RBFOX1: variants seen among roughly 807,000 people sequenced by gnomAD.
RBFOX1 encodes the protein RNA binding protein fox-1 homolog 1.
In RBFOX1, 8 loss-of-function variants were observed where a neutral mutation model predicts 57.7. The observed-to-expected ratio is 0.14, with a 90% CI of 0.08 to 0.25. The LOEUF (loss-of-function observed/expected upper bound fraction) is 0.25, where lower values mean the gene tolerates loss of function less well. Ranked by LOEUF, RBFOX1 falls within the 10% of genes least tolerant of loss-of-function variation. The pLI is 1.00. For synonymous variants in RBFOX1, 326 were observed against 222.4 expected, an observed-to-expected ratio of 1.47 and a Z score of -4.15; for missense variants, 611 against 548.5, an observed-to-expected ratio of 1.11 and a Z score of -1.14.
At chr16:6,475,192 C>T (rs188354556) in intron 2 of RBFOX1, among the ~76,000 whole-genome samples, 32 of 152,232 alleles carry the variant, frequency 2.1e-4, no homozygotes, top group African/African-American at 7.0e-4. Context: ...ATTTCCTAAA[C>T]TTTCCACAAT....
At chr16:6,388,475 T>C (rs1365222267) in intron 2 of RBFOX1, among the ~76,000 whole-genome samples, 3 of 152,072 alleles carry the variant, frequency 2.0e-5, no homozygotes, top group Non-Finnish European at 4.4e-5. Flanking sequence ...TTTTTACTTA[T>C]TATTTATTAT....
intron 3 of RBFOX1, among the ~76,000 whole-genome samples, chr16:6,666,616 G>C (rs759052580): frequency 6.6e-6 from 1 of 151,550 alleles, no homozygotes; most frequent in Non-Finnish European, 1.5e-5. Flanking sequence ...TTCAAACCCA[G>C]GAAGTCTTTG....
rs557514776 is a variant in RBFOX1 at position 6,740,416 on chromosome 16, T to A, written c.-16+85766T>A. On this transcript the variant is annotated intron_variant, in intron 3 of 15. Coordinates refer to ENST00000550418, the MANE Select transcript of RBFOX1 (RefSeq NM_018723.4). The stretch of plus-strand genomic sequence containing the variant: ...AGTGCAATAAGACAAGAAATATAAA[T>A]AAAAGGCATACAGATTAAAATAAAG... 5.1e-4 allele frequency among the ~76,000 whole-genome samples: 77 copies of A among 152,148 alleles called. 1 individual carries two copies. Among genetic ancestry groups the A allele is most frequent in the Middle Eastern group, 3.4e-3 (1 of 294 alleles).
intron 4 of RBFOX1, among the ~76,000 whole-genome samples, chr16:5,882,622 A>T (rs532857168): frequency 1.3e-5 from 2 of 152,156 alleles, no homozygotes; most frequent in Non-Finnish European, 2.9e-5. Flanking sequence ...TAGGGGTTCA[A>T]CATTTGAGGG....
At chr16:6,423,775 G>A (rs531736289) in intron 2 of RBFOX1, among the ~76,000 whole-genome samples, 58 of 152,226 alleles carry the variant, frequency 3.8e-4, no homozygotes, top group Non-Finnish European at 5.3e-4. Flanking sequence ...CAGCTACGAC[G>A]CAGCACTGCA....
At chr16:6,884,380 C>T (rs951311370) in intron 3 of RBFOX1, among the ~76,000 whole-genome samples, 1 of 152,158 alleles carries the variant, frequency 6.6e-6, no homozygotes, top group East Asian at 1.9e-4. Context: ...GCTCTGCCCT[C>T]AGTCAATGCA....
intron 9 of RBFOX1, among the ~76,000 whole-genome samples, chr16:7,599,915 G>A (rs1166702185): frequency 6.6e-6 from 1 of 151,908 alleles, no homozygotes; most frequent in Non-Finnish European, 1.5e-5. Context: ...AAGATTACAG[G>A]CATGAGCCAC....
intron 4 of RBFOX1, among the ~76,000 whole-genome samples, chr16:7,234,951 G>C (rs902534362): frequency 1.7e-4 from 26 of 152,006 alleles, no homozygotes; most frequent in Non-Finnish European, 3.5e-4. Context: ...TTTTATGCCT[G>C]TAGCTTGGAT....
chr16:5,407,753 T>C (rs1426876594), intron 1 of RBFOX1, among the ~76,000 whole-genome samples: 1 of 152,182 alleles, frequency 6.6e-6, no homozygotes, highest in Non-Finnish European at 1.5e-5. Flanking sequence ...TTCACTGTGT[T>C]GGCCAGGCTG....
intron 1 of RBFOX1, among the ~76,000 whole-genome samples, chr16:6,209,846 A>G (rs2097281300): frequency 1.3e-5 from 2 of 152,202 alleles, no homozygotes; most frequent in African/African-American, 4.8e-5. Context: ...CGATAGAAAC[A>G]TGGTATGAAG....
chr16:6,302,558 C>A (rs2078940071), intron 1 of RBFOX1, among the ~76,000 whole-genome samples: 1 of 152,140 alleles, frequency 6.6e-6, no homozygotes, highest in Non-Finnish European at 1.5e-5. Flanking sequence ...CGTAGTATAT[C>A]TATCTTGGTA....
chr16:5,496,076 A>G lies in RBFOX1; in HGVS notation c.258+28822A>G, dbSNP rs1163551479. Among the ~76,000 whole-genome samples, 5 of 152,184 alleles carry G rather than the reference A, an allele frequency of 3.3e-5. No individual in the cohort carries two copies. In the East Asian group the frequency reaches 7.7e-4, roughly 23 times the overall value. ...AGGAGGCAGGGGTTGCAGTGAGCCA[A>G]CATCGCACCACCACACTCCAGCCTG... On this transcript the variant is annotated intron_variant, in intron 2 of 2. Transcript: ENST00000585867.
intron 14 of RBFOX1, among the ~76,000 whole-genome samples, chr16:7,677,156 C>CAG (rs2073564978): frequency 6.6e-6 from 1 of 151,760 alleles, no homozygotes; most frequent in Non-Finnish European, 1.5e-5. Context: ...CACACACACA[C>CAG]ACACCGTACA....
At chr16:5,762,347 G>C (rs4786774) in intron 3 of RBFOX1, among the ~76,000 whole-genome samples, 80,662 of 124,770 alleles carry the variant, frequency 0.65, 24,580 homozygotes, top group African/African-American at 0.85. Context: ...GGCAGAAAAC[G>C]AACAAAAAGA....
intron 4 of RBFOX1, among the ~76,000 whole-genome samples, chr16:7,453,626 T>C (rs993150641): frequency 9.2e-5 from 14 of 152,072 alleles, no homozygotes; most frequent in Admixed American, 2.6e-4. Context: ...ATACACATGT[T>C]AAAGCGTGTA....
chr16:6,788,261 C>T (rs967558908), intron 3 of RBFOX1, among the ~76,000 whole-genome samples: 3 of 152,018 alleles, frequency 2.0e-5, no homozygotes, highest in South Asian at 2.1e-4. Context: ...AGGTCTGCTG[C>T]ATCATACCTG....
At chr16:6,949,049 A>G (rs926223644) in intron 3 of RBFOX1, among the ~76,000 whole-genome samples, 1 of 152,178 alleles carries the variant, frequency 6.6e-6, no homozygotes, top group African/African-American at 2.4e-5. Flanking sequence ...TGTGATTCGT[A>G]AAAGGGAGAG....
intron 3 of RBFOX1, among the ~76,000 whole-genome samples, chr16:6,973,002 G>A (rs1223209669): frequency 6.6e-6 from 1 of 152,038 alleles, no homozygotes; most frequent in East Asian, 1.9e-4. Context: ...ACGGTGGTAG[G>A]CACCTGTAAT....
rs183402214 is a variant in RBFOX1 at position 6,789,492 on chromosome 16, A to G, written c.-16+134842A>G. On this transcript the variant is annotated intron_variant, in intron 3 of 15. Transcript: ENST00000550418. ...GTTGGTATTTTAGAGAGAAGCAGTCATTTCATTCTCAGTTATTACCTATGC... is the reference window on the plus strand; with the variant it reads ...GTTGGTATTTTAGAGAGAAGCAGTCGTTTCATTCTCAGTTATTACCTATGC... Among the ~76,000 whole-genome samples the G allele has an allele frequency of 8.9e-4, 135 of 152,282 alleles. 1 individual carries two copies. The highest frequency in any genetic ancestry group is 7.3e-5 in the Non-Finnish European group (5 of 68,030).
Sources: gnomAD v4.1 joint callset for allele counts (sites outside exome capture counted in the v4.1 genomes callset) on GRCh38, gnomAD v4.1.1 for gene constraint, MANE v1.5 for transcripts, NCBI Gene and HGNC (gene_info 2026-07-23, HGNC 2026-07-21) for gene names.